Variants in SHISA5 observed in about 807,000 individuals in gnomAD.
The protein encoded by SHISA5 is protein shisa-5.
Under a neutral mutation model 27.5 loss-of-function variants are expected in SHISA5, and 21 were observed. The ratio of observed to expected loss-of-function variants is 0.76; its 90% confidence interval spans 0.54 to 1.10. The LOEUF (loss-of-function observed/expected upper bound fraction) is 1.10, where lower values mean the gene tolerates loss of function less well. Ranked by LOEUF, SHISA5 falls within the 50% of genes least tolerant of loss-of-function variation. The pLI is 0.00. For synonymous variants in SHISA5, 137 were observed against 142.2 expected (o/e 0.96, Z 0.26); for missense variants, 314 against 336.3 (o/e 0.93, Z 0.52).
At chr3:48,496,888 G>A (rs1226067072) in intron 2 of SHISA5, among the ~76,000 whole-genome samples, 1 of 151,936 alleles carries the variant, frequency 6.6e-6, no homozygotes, top group Non-Finnish European at 1.5e-5. Context: ...TACAAGAGCA[G>A]AAATACCATG....
At chr3:48,497,414 C>T (rs1055156637) in intron 2 of SHISA5, among the ~76,000 whole-genome samples, 1 of 151,012 alleles carries the variant, frequency 6.6e-6, no homozygotes, top group Non-Finnish European at 1.5e-5. Context: ...AGGCACCCAC[C>T]ACCATGCCCA....
chr3:48,484,954 G>A (rs562295745), intron 2 of SHISA5, among the ~76,000 whole-genome samples: 1 of 152,272 alleles, frequency 6.6e-6, no homozygotes, highest in East Asian at 1.9e-4. Context: ...AGTACTTTGG[G>A]AGGCCGAGGC....
chr3:48,488,047 A>G (rs1260170342), intron 2 of SHISA5, among the ~76,000 whole-genome samples: 1 of 152,156 alleles, frequency 6.6e-6, no homozygotes, highest in African/African-American at 2.4e-5. Flanking sequence ...AAGGAGAAAA[A>G]TTTGCCTTAA....
At chr3:48,479,438 A>C in intron 2 of SHISA5, 181 bp from the exon 3 acceptor site, 1 of 608,992 alleles carries the variant, frequency 1.6e-6, no homozygotes, top group African/African-American at 1.8e-5. Context: ...ACATCCTCTC[A>C]GGTGTCCACC....
chr3:48,468,999 C>G lies in SHISA5; in HGVS notation c.*108G>C, dbSNP rs777746214. On this transcript the variant is annotated 3_prime_UTR_variant, in exon 6 of 6. Coordinates refer to ENST00000296444, the MANE Select transcript of SHISA5 (RefSeq NM_016479.6). ...ACAGCACACATGGGGCGTAAGGAACCGTGCCTGGACACACACAGCACACAT... is the reference window on the plus strand; with the variant it reads ...ACAGCACACATGGGGCGTAAGGAACGGTGCCTGGACACACACAGCACACAT... The G allele has an allele frequency of 1.3e-5, 21 of 1,576,938 alleles. No homozygotes were observed. The highest frequency in any genetic ancestry group is 2.7e-5 in the African/African-American group (2 of 74,672).
At chr3:48,484,585 T>A (rs2041137638) in intron 2 of SHISA5, among the ~76,000 whole-genome samples, 1 of 145,688 alleles carries the variant, frequency 6.9e-6, no homozygotes, top group African/African-American at 2.6e-5. Flanking sequence ...AGCGAGACAC[T>A]GTCTCAAAAC....
In SHISA5 at chr3:48,468,915, A is replaced by G. The variant is rs747330294; in HGVS notation, c.*192T>C. 3.3e-5 allele frequency: 51 copies of G among 1,542,696 alleles called. No homozygotes were observed. The highest frequency in any genetic ancestry group is 4.2e-5 in the Non-Finnish European group (48 of 1,150,576). On this transcript the variant is annotated 3_prime_UTR_variant, in exon 6 of 6. Coordinates refer to ENST00000296444, the MANE Select transcript of SHISA5 (RefSeq NM_016479.6). ...AAGTCTGGTCCCAGCCCACTCTGGC[A>G]AGGATTGTTCCCCACCTTGTCAGCA...
chr3:48,497,181 G>A (rs530708590), intron 2 of SHISA5, among the ~76,000 whole-genome samples: 26 of 151,728 alleles, frequency 1.7e-4, no homozygotes, highest in African/African-American at 5.8e-4. Context: ...GCAGTGAGCC[G>A]AGATCATGCC....
chr3:48,473,052 C>T lies in SHISA5; in HGVS notation c.315-3209G>A. 6.5e-7 allele frequency: 1 copy of T among 1,530,942 alleles called. No individual in the cohort carries two copies. The highest frequency in any genetic ancestry group is 8.7e-7 in the Non-Finnish European group (1 of 1,145,538). 94.8% of individuals were successfully genotyped at this position (1,530,942 alleles called of 1,614,324 possible). A position where few individuals can be genotyped will look rare whatever the true frequency, so the allele number is the denominator to read the frequency against. On this transcript the variant is annotated intron_variant, in intron 3 of 5. Coordinates refer to ENST00000296444, the MANE Select transcript of SHISA5 (RefSeq NM_016479.6). The surrounding 1 kb of genome is among the most constrained non-coding windows in gnomAD (Gnocchi z 4.3). ...CTTCACCCAGAGGCCTCCTGTACCC[C>T]TGGGCTTTCCCCTCTTCCCATCGTG...
chr3:48,494,093 G>A (rs1391363241), intron 2 of SHISA5, among the ~76,000 whole-genome samples: 2 of 146,768 alleles, frequency 1.4e-5, no homozygotes, highest in African/African-American at 2.7e-5. Context: ...GAAATTTTGT[G>A]TCCTTTGACC....
intron 2 of SHISA5, among the ~76,000 whole-genome samples, chr3:48,497,123 T>G (rs1055015504): frequency 4.6e-5 from 7 of 151,508 alleles, no homozygotes; most frequent in Non-Finnish European, 7.4e-5. Flanking sequence ...TTCCAGCTAC[T>G]CTGGAGGCTG....
rs183243004 is a variant in SHISA5 at position 48,487,534 on chromosome 3, A to G, written c.234-8277T>C. On this transcript the variant is annotated intron_variant, in intron 2 of 5. Coordinates refer to ENST00000296444, the MANE Select transcript of SHISA5 (RefSeq NM_016479.6). ...GCTATTGGAAACGTCTTTTGAAATT[A>G]TATTTTTAATTAGAAGTTTAATAGA... Among the ~76,000 whole-genome samples, 992 of 152,242 alleles carry G rather than the reference A, an allele frequency of 6.5e-3. 3 individuals are homozygous for G. Among genetic ancestry groups the G allele is most frequent in the Non-Finnish European group, 0.011 (730 of 68,018 alleles).
intron 2 of SHISA5, among the ~76,000 whole-genome samples, chr3:48,481,166 C>T (rs572246133): frequency 6.6e-5 from 10 of 151,928 alleles, no homozygotes; most frequent in Admixed American, 3.9e-4. Context: ...ATGAGCTGGG[C>T]GTGGTGGCTC....
rs3135950 is a variant in SHISA5 at position 48,468,112 on chromosome 3, C to G, written c.*995G>C. 2,424 of 987,632 alleles carry G rather than the reference C, an allele frequency of 2.5e-3. 7 individuals are homozygous for G. Among genetic ancestry groups the G allele is most frequent in the Non-Finnish European group, 2.8e-3 (2,280 of 824,660 alleles). 61.2% of individuals were successfully genotyped at this position (987,632 alleles called of 1,614,324 possible). On this transcript the variant is annotated 3_prime_UTR_variant, in exon 6 of 6. Coordinates refer to ENST00000296444, the MANE Select transcript of SHISA5 (RefSeq NM_016479.6). The stretch of plus-strand genomic sequence containing the variant: ...GTGGACTGGGGTACAGGAGTTGTTG[C>G]ATATTCCATGAGGCTGGTGTCGGGA...
At chr3:48,481,452 A>G (rs1239861134) in intron 2 of SHISA5, among the ~76,000 whole-genome samples, 1 of 150,942 alleles carries the variant, frequency 6.6e-6, no homozygotes, top group African/African-American at 2.4e-5. Flanking sequence ...AAAATAAAAT[A>G]AAATAAAATA....
In SHISA5 at chr3:48,469,434, G is replaced by A; in HGVS notation, c.570C>T (p.Pro190=). 3 of 1,613,258 alleles carry A rather than the reference G, an allele frequency of 1.9e-6. No individual in the cohort carries two copies. The highest frequency in any genetic ancestry group is 3.3e-5 in the Admixed American group (2 of 59,932). The change falls in exon 5 of 6, where the codon CCC becomes CCT. Residue 190 remains proline, a synonymous_variant. Coordinates refer to ENST00000296444, the MANE Select transcript of SHISA5 (RefSeq NM_016479.6). This position sits in a 1 kb window ranked among gnomAD's most constrained non-coding sequence, Gnocchi z 4.6. ...MPPQPGMPAA[P]YPMQYPPPYP... ...AAGGTGGTGGGTACTGCATTGGGTA[G>A]GGTGCTGCTGGCATCCCTGGCTGAG...
In SHISA5 at chr3:48,467,963, C is replaced by G. The variant is rs2040414773; in HGVS notation, c.*1144G>C. ...TTGAGCTAAGACAGCTCTGGTGAAA[C>G]AGTAATAGAGGGAGGAGGAACACGA... On this transcript the variant is annotated 3_prime_UTR_variant, in exon 6 of 6. Coordinates refer to ENST00000296444, the MANE Select transcript of SHISA5 (RefSeq NM_016479.6). 3.4e-6 allele frequency: 1 copy of G among 291,056 alleles called. No individual in the cohort carries two copies. Among genetic ancestry groups the G allele is most frequent in the Non-Finnish European group, 6.2e-6 (1 of 162,036 alleles). 18.0% of individuals were successfully genotyped at this position (291,056 alleles called of 1,614,324 possible). A position where few individuals can be genotyped will look rare whatever the true frequency, so the allele number is the denominator to read the frequency against.
chr3:48,491,235 C>G (rs2107362617), intron 2 of SHISA5, among the ~76,000 whole-genome samples: 2 of 152,152 alleles, frequency 1.3e-5, no homozygotes, highest in South Asian at 4.2e-4. Context: ...TCTCCTGCCT[C>G]AGCCTCCCGA....
At chr3:48,487,118 A>G (rs1281703263) in intron 2 of SHISA5, among the ~76,000 whole-genome samples, 1 of 148,868 alleles carries the variant, frequency 6.7e-6, no homozygotes, top group East Asian at 2.0e-4. Context: ...GCGCACACAC[A>G]CACACGCACA....
Sources: allele counts gnomAD v4.1 joint callset (sites outside exome capture counted in the v4.1 genomes callset), GRCh38; gene constraint gnomAD v4.1.1; non-coding constraint Gnocchi (gnomAD v3.1); transcripts MANE v1.5; gene names NCBI Gene and HGNC (gene_info 2026-07-23, HGNC 2026-07-21).